SPAG16: variants seen among roughly 807,000 people sequenced by gnomAD.
The protein encoded by SPAG16 is sperm-associated antigen 16 protein.
Under a neutral mutation model 80.4 loss-of-function variants are expected in SPAG16, and 86 were observed. The ratio of observed to expected loss-of-function variants is 1.07; its 90% CI spans 0.90 to 1.28. SPAG16 has a LOEUF of 1.28. SPAG16 is among the 50% of genes most tolerant of loss of function. The probability of loss-of-function intolerance (pLI) is 0.00; values close to 1 mark genes in which losing one functional copy is unlikely to be tolerated. For missense variants in SPAG16, 870 were observed against 765.3 expected, an observed-to-expected ratio of 1.14 and a Z score of -1.61; for synonymous variants, 294 against 265.9, an observed-to-expected ratio of 1.11 and a Z score of -1.03.
At chr2:213,927,333 C>T (rs1332778709) in intron 11 of SPAG16, among the ~76,000 whole-genome samples, 1 of 152,100 alleles carries the variant, frequency 6.6e-6, no homozygotes, top group Non-Finnish European at 1.5e-5. Flanking sequence ...GCTTTGGTTC[C>T]TTCTATTTGT....
intron 9 of SPAG16, among the ~76,000 whole-genome samples, chr2:213,413,903 GCAAA>G (rs912182882): frequency 4.5e-4 from 68 of 152,236 alleles, no homozygotes; most frequent in African/African-American, 1.5e-3. Context: ...ATTTCACAGT[GCAAA>G]CAAAGTTATG....
intron 10 of SPAG16, among the ~76,000 whole-genome samples, chr2:213,677,602 A>T (rs948856302): frequency 3.9e-5 from 6 of 152,158 alleles, no homozygotes; most frequent in African/African-American, 9.7e-5. Context: ...ATACAGGAGC[A>T]CCCAGATTCA....
intron 9 of SPAG16, among the ~76,000 whole-genome samples, chr2:213,435,325 C>G (rs2070558422): frequency 6.6e-6 from 1 of 152,116 alleles, no homozygotes; most frequent in African/African-American, 2.4e-5. Flanking sequence ...TAAGTGAGTG[C>G]TAAAAAATGT....
rs1469823875 is a variant in SPAG16, at chr2:213,755,946, A to G, written c.1071-106539A>G. 2.0e-5 allele frequency among the ~76,000 whole-genome samples: 3 copies of G among 152,186 alleles called. No homozygotes were observed. The East Asian group carries it at 5.8e-4, about 29-fold the overall frequency. On this transcript the variant is annotated intron_variant, in intron 10 of 15. Coordinates refer to ENST00000331683, the MANE Select transcript of SPAG16 (RefSeq NM_024532.5). ...CCTGTGGCTGCATTTAACCATCTAA[A>G]TATATCAATATCTATATACCTATAT...
chr2:213,756,816 G>A (rs563416360), intron 10 of SPAG16, among the ~76,000 whole-genome samples: 15 of 152,164 alleles, frequency 9.9e-5, no homozygotes, highest in Admixed American at 7.9e-4. Context: ...GAAATTAAAT[G>A]ATGTAATAAC....
intron 6 of SPAG16, among the ~76,000 whole-genome samples, chr2:213,349,447 T>C (rs921301172): frequency 6.6e-6 from 1 of 152,130 alleles, no homozygotes; most frequent in Non-Finnish European, 1.5e-5. Flanking sequence ...TAGACTGATA[T>C]CACCAGAGGC....
chr2:213,866,100 A>G (rs2075670117), intron 11 of SPAG16, among the ~76,000 whole-genome samples: 1 of 151,708 alleles, frequency 6.6e-6, no homozygotes, highest in African/African-American at 2.4e-5. Flanking sequence ...TAGCAGTTTT[A>G]TGAGTGAGTT....
intron 5 of SPAG16, among the ~76,000 whole-genome samples, chr2:213,328,621 C>G (rs76973042): frequency 0.054 from 8,150 of 152,174 alleles, 702 homozygotes; most frequent in African/African-American, 0.18. Flanking sequence ...TCCATATTCA[C>G]TAGGGAGGTC....
At chr2:213,723,513 G>T (rs754159871) in intron 10 of SPAG16, among the ~76,000 whole-genome samples, 1 of 152,124 alleles carries the variant, frequency 6.6e-6, no homozygotes, top group Non-Finnish European at 1.5e-5. Context: ...GAATGTAGAA[G>T]GACAGAGAGC....
At chr2:213,784,682 T>C (rs2070224938) in intron 10 of SPAG16, among the ~76,000 whole-genome samples, 1 of 139,954 alleles carries the variant, frequency 7.1e-6, no homozygotes. Flanking sequence ...GATAGAACTA[T>C]ATGCTGTTTG....
intron 15 of SPAG16, among the ~76,000 whole-genome samples, chr2:214,286,592 C>T (rs550515262): frequency 6.6e-6 from 1 of 152,012 alleles, no homozygotes; most frequent in East Asian, 1.9e-4. Context: ...ACTAAAAATA[C>T]AAACATTAGC....
intron 9 of SPAG16, among the ~76,000 whole-genome samples, chr2:213,441,107 A>G (rs2070925263): frequency 6.6e-6 from 1 of 152,240 alleles, no homozygotes; most frequent in South Asian, 2.1e-4. Context: ...TGCATACATT[A>G]TAATACAGCA....
rs372357773 is a variant in SPAG16, at chr2:213,645,648, T to C, written c.1070+155558T>C. On this transcript the variant is annotated intron_variant, in intron 10 of 15. Transcript: ENST00000331683. Reference sequence around the variant, plus strand: ...AGGCAAGGCAAAGTCCTCTCCCTTCTTCTCTCTCCTCTTCTCAAGCAAAAT... The same window carrying C: ...AGGCAAGGCAAAGTCCTCTCCCTTCCTCTCTCTCCTCTTCTCAAGCAAAAT... Among the ~76,000 whole-genome samples, 24 of 152,258 alleles carry C rather than the reference T, an allele frequency of 1.6e-4. No individual in the cohort carries two copies. The East Asian group carries it at 4.4e-3, about 28-fold the overall frequency.
chr2:213,904,292 G>T (rs1029742970), intron 11 of SPAG16, among the ~76,000 whole-genome samples: 4 of 152,248 alleles, frequency 2.6e-5, no homozygotes, highest in African/African-American at 7.2e-5. Context: ...GGTTTAATTG[G>T]ACTTACATAG....
At chr2:214,373,434 C>A (rs534762222) in intron 15 of SPAG16, among the ~76,000 whole-genome samples, 1 of 152,084 alleles carries the variant, frequency 6.6e-6, no homozygotes, top group Admixed American at 6.5e-5. Flanking sequence ...AGAACAATAC[C>A]AAAGGTAGTG....
At chr2:213,396,803 C>CT (rs1575476650) in intron 9 of SPAG16, 3 of 328,326 alleles carry the variant, frequency 9.1e-6, no homozygotes, top group Admixed American at 3.4e-5. Context: ...CACCCATACC[C>CT]TTTATCTGTG....
rs534931836 is a variant in SPAG16, at chr2:213,352,158, C to CTTTTTT, written c.762+1521_762+1526dup. On this transcript the variant is annotated intron_variant, in intron 7 of 15. Coordinates refer to ENST00000331683, the MANE Select transcript of SPAG16 (RefSeq NM_024532.5). The stretch of plus-strand genomic sequence containing the variant: ...AACTTGAGCCAATTAAACCTCTAGT[C>CTTTTTT]TTTTTTTTTTTTTAATATATTTTTA... 7.3e-3 allele frequency among the ~76,000 whole-genome samples: 1,028 copies of CTTTTTT among 141,742 alleles called. 9 individuals are homozygous for CTTTTTT. Among genetic ancestry groups the CTTTTTT allele is most frequent in the African/African-American group, 0.024 (931 of 38,606 alleles). 93.0% of individuals were successfully genotyped at this position (141,742 alleles called of 152,430 possible).
intron 11 of SPAG16, among the ~76,000 whole-genome samples, chr2:213,869,264 A>AAATATAT (rs552335638): frequency 1.6e-5 from 1 of 63,592 alleles, no homozygotes; most frequent in East Asian, 4.2e-4. Flanking sequence ...AAAAAAAAAA[A>AAATATAT]ATATATATAT....
intron 12 of SPAG16, among the ~76,000 whole-genome samples, chr2:214,012,246 AT>A (rs1303271126): frequency 2.6e-5 from 3 of 114,832 alleles, no homozygotes; most frequent in Non-Finnish European, 1.7e-5. Flanking sequence ...ATATATATAT[AT>A]TTTTATACTT....
Sources: gnomAD v4.1 joint callset for allele counts (sites outside exome capture counted in the v4.1 genomes callset) on GRCh38, gnomAD v4.1.1 for gene constraint, MANE v1.5 for transcripts, NCBI Gene and HGNC (gene_info 2026-07-23, HGNC 2026-07-21) for gene names.